USP13: variants seen among roughly 807,000 people sequenced by gnomAD.
USP13 encodes the protein ubiquitin carboxyl-terminal hydrolase 13.
USP13 carries 68 observed loss-of-function variants against 107.8 expected under a neutral mutation model. The observed-to-expected ratio is 0.63, with a 90% CI of 0.52 to 0.77. The LOEUF (loss-of-function observed/expected upper bound fraction) is 0.77, where lower values mean the gene tolerates loss of function less well. USP13 is among the 30% of genes least tolerant of loss of function. The pLI is 0.00. For synonymous variants in USP13, 377 were observed against 389.5 expected, an observed-to-expected ratio of 0.97 and a Z score of 0.38; for missense variants, 945 against 1,093.3, an observed-to-expected ratio of 0.86 and a Z score of 1.91.
In USP13 at chr3:179,681,930, G is replaced by T. The variant is rs1711673776; in HGVS notation, c.221G>T (p.Arg74Met). ...ATGAATACATTTTTGGCCTTTGGAAGGGAACATGTTGAAAGACATTTTCGA... is the reference window on the plus strand; with the variant it reads ...ATGAATACATTTTTGGCCTTTGGAATGGAACATGTTGAAAGACATTTTCGA... ...VCMNTFLAFG[R>M]EHVERHFRKT... Residue 74 changes from arginine (R) to methionine (M), a missense_variant, in exon 2 of 21, where the codon AGG becomes ATG. Coordinates refer to ENST00000263966, the MANE Select transcript of USP13 (RefSeq NM_003940.3). The T allele has an allele frequency of 1.2e-6, 2 of 1,614,026 alleles. No homozygotes were observed. Among genetic ancestry groups the T allele is most frequent in the African/African-American group, 1.3e-5 (1 of 75,040 alleles).
chr3:179,757,911 A>C lies in USP13; in HGVS notation c.1948+833A>C, dbSNP rs572996034. 2.5e-4 allele frequency among the ~76,000 whole-genome samples: 38 copies of C among 152,332 alleles called. No individual in the cohort carries two copies. In the South Asian group the frequency reaches 7.7e-3, roughly 31 times the overall value. On this transcript the variant is annotated intron_variant, in intron 16 of 20. Coordinates refer to ENST00000263966, the MANE Select transcript of USP13 (RefSeq NM_003940.3). ...GGTAGGACAATGGGTAGCCTGGGAC[A>C]TACTGTTCCCACTGCGAATAATCTA...
chr3:179,660,033 ACT>A (rs1720411608), intron 1 of USP13, among the ~76,000 whole-genome samples: 1 of 152,124 alleles, frequency 6.6e-6, no homozygotes, highest in Non-Finnish European at 1.5e-5. Flanking sequence ...ACAGAGCGAG[ACT>A]CTGTCTCAAA....
Position 179,700,366 on chromosome 3 carries a change from A to T in USP13, c.356-642A>T, listed in dbSNP as rs557401822. Among the ~76,000 whole-genome samples, 10 of 152,354 alleles carry T rather than the reference A, an allele frequency of 6.6e-5. No homozygotes were observed. The East Asian group carries it at 1.9e-3, about 29-fold the overall frequency. On this transcript the variant is annotated intron_variant, in intron 3 of 20. Transcript: ENST00000263966. ...GAGATTTTGTTTTTAAATAATAGCT[A>T]ACATTTATTGACTACCTATTATATG...
chr3:179,713,033 A>G (rs1712984310), intron 6 of USP13, among the ~76,000 whole-genome samples: 1 of 152,202 alleles, frequency 6.6e-6, no homozygotes, highest in South Asian at 2.1e-4. Flanking sequence ...GTTTTTTAAG[A>G]ACTCTTTGAT....
Position 179,706,951 on chromosome 3 carries a change from T to C in USP13, c.495T>C (p.Asp165=). 1 of 1,613,810 alleles carries C rather than the reference T, an allele frequency of 6.2e-7. No individual in the cohort carries two copies. Among genetic ancestry groups the C allele is most frequent in the Admixed American group, 1.7e-5 (1 of 59,938 alleles). Residue 165 remains aspartate, a synonymous_variant, in exon 5 of 21, where the codon GAT becomes GAC. Coordinates refer to ENST00000263966, the MANE Select transcript of USP13 (RefSeq NM_003940.3). ...TCTTATAGGTAACAATTGCTTGTGA[T>C]GCAGTTCTCAGCTCAAAATCTCCAT... ...ELPALVTIAC[D]AVLSSKSPYR...
intron 18 of USP13, among the ~76,000 whole-genome samples, chr3:179,764,799 C>T (rs1037490871): frequency 3.3e-5 from 5 of 152,150 alleles, no homozygotes; most frequent in Admixed American, 1.3e-4. Flanking sequence ...CCTGGTCACA[C>T]CATAATCCAT....
chr3:179,725,388 T>C (rs1560063496), intron 8 of USP13, among the ~76,000 whole-genome samples: 2 of 152,204 alleles, frequency 1.3e-5, no homozygotes, highest in Admixed American at 1.3e-4. Context: ...TTGTTAGGAA[T>C]TCTTCAGTAT....
At chr3:179,740,970 T>C (rs987634290) in intron 11 of USP13, among the ~76,000 whole-genome samples, 2 of 152,122 alleles carry the variant, frequency 1.3e-5, no homozygotes, top group African/African-American at 4.8e-5. Context: ...TTTCACCATG[T>C]TGGTCAGGCT....
chr3:179,766,693 C>T (rs536298651), intron 19 of USP13, among the ~76,000 whole-genome samples: 102 of 152,336 alleles, frequency 6.7e-4, no homozygotes, highest in Non-Finnish European at 1.3e-3. Context: ...GTAATTCTCA[C>T]TACAACTGAT....
At chr3:179,735,578 T>A (rs1324573003) in intron 10 of USP13, among the ~76,000 whole-genome samples, 1 of 152,126 alleles carries the variant, frequency 6.6e-6, no homozygotes, top group Non-Finnish European at 1.5e-5. Context: ...TCTCTTTCAT[T>A]TCCTTTCTCC....
At chr3:179,686,832 A>G (rs1340453407) in intron 2 of USP13, among the ~76,000 whole-genome samples, 3 of 152,132 alleles carry the variant, frequency 2.0e-5, no homozygotes, top group Admixed American at 6.5e-5. Flanking sequence ...GAGTATTTGC[A>G]TGTTTGAGCT....
intron 2 of USP13, among the ~76,000 whole-genome samples, chr3:179,688,185 CCATT>C (rs1382247480): frequency 1.4e-5 from 2 of 145,378 alleles, no homozygotes; most frequent in Non-Finnish European, 3.0e-5. Context: ...ATCCATCCAT[CCATT>C]CATCAATCCA....
Position 179,764,134 on chromosome 3 carries a change from A to C in USP13, c.2225A>C (p.Gln742Pro). The C allele has an allele frequency of 6.2e-7, 1 of 1,613,780 alleles. No homozygotes were observed. Among genetic ancestry groups the C allele is most frequent in the Non-Finnish European group, 8.5e-7 (1 of 1,179,932 alleles). The change falls in exon 18 of 21, where the codon CAG becomes CCG. Residue 742 changes from glutamine (Q) to proline (P), a missense_variant. Physicochemically the swap from Gln to Pro is moderately conservative, Grantham distance 76. Transcript: ENST00000263966. The part of the protein sequence containing the change: ...IVAIITSMGF[Q>P]RNQAIQALRA... ...GCTATCATCACCTCCATGGGATTTC[A>C]GCGAAATCAGGCTATTCAGGCACTA... is the stretch of plus-strand genomic sequence containing the variant.
rs1374646729 is a variant in USP13 at position 179,785,322 on chromosome 3, C to T, written c.*1181C>T. On this transcript the variant is annotated 3_prime_UTR_variant, in exon 21 of 21. Transcript: ENST00000263966. ...TGTCTGATGTGACCAACAGTGTGAT[C>T]TTGGACACACTAAGGATTTTAGATG... 1 of 152,126 alleles carries T rather than the reference C, an allele frequency of 6.6e-6. No individual in the cohort carries two copies. The highest frequency in any genetic ancestry group is 1.5e-5 in the Non-Finnish European group (1 of 68,024). The allele number at this position is 152,126 out of a possible 1,614,324, so 9.4% of individuals were successfully genotyped here.
chr3:179,754,914 C>G, intron 15 of USP13, 60 bp downstream of exon 15: 5 of 1,515,916 alleles, frequency 3.3e-6, no homozygotes, highest in Middle Eastern at 1.8e-4. Flanking sequence ...TAGGAACAGT[C>G]TCTTTCTTCC....
intron 17 of USP13, 44 bp from the exon 18 acceptor site, chr3:179,763,950 CAAAAAAAA>C: frequency 1.1e-5 from 13 of 1,225,882 alleles, no homozygotes; most frequent in Admixed American, 4.0e-5. Flanking sequence ...TGTTTCAGGA[CAAAAAAAA>C]AAAAAAAAAA....
At chr3:179,731,840 C>T (rs761916427) in intron 10 of USP13, among the ~76,000 whole-genome samples, 2 of 152,174 alleles carry the variant, frequency 1.3e-5, no homozygotes, top group Admixed American at 6.5e-5. Flanking sequence ...TCTTGACTTA[C>T]TGGGCAGGCT....
chr3:179,765,977 G>A (rs960703546), intron 19 of USP13, 129 bp downstream of exon 19: 8 of 743,516 alleles, frequency 1.1e-5, no homozygotes, highest in East Asian at 1.1e-4. Flanking sequence ...CATCTTCTTC[G>A]TTTTTTTTTT....
At chr3:179,657,552 A>G (rs921986461) in intron 1 of USP13, among the ~76,000 whole-genome samples, 2 of 151,752 alleles carry the variant, frequency 1.3e-5, no homozygotes, top group Non-Finnish European at 2.9e-5. Context: ...CACAACATCA[A>G]GAGATCGAGA....
Sources: allele counts gnomAD v4.1 joint callset (sites outside exome capture counted in the v4.1 genomes callset), GRCh38; gene constraint gnomAD v4.1.1; transcripts MANE v1.5; gene names NCBI Gene and HGNC (gene_info 2026-07-23, HGNC 2026-07-21).